ABLIM1: variants seen among roughly 807,000 people sequenced by gnomAD.
ABLIM1 encodes actin-binding LIM protein 1.
A neutral mutation model predicts 107.0 loss-of-function variants in ABLIM1; 40 were observed. The observed-to-expected ratio is 0.37, with a 90% CI of 0.29 to 0.49. The LOEUF is 0.49. Ranked by LOEUF, ABLIM1 falls within the 20% of genes least tolerant of loss-of-function variation. ABLIM1 has a pLI of 0.97. For missense variants in ABLIM1, 857 were observed against 1,008.5 expected, an observed-to-expected ratio of 0.85 and a Z score of 2.04; for synonymous variants, 357 against 357.3, an observed-to-expected ratio of 1.00 and a Z score of 0.01.
At chr10:114,454,678 G>A (rs1480323216) in intron 12 of ABLIM1, among the ~76,000 whole-genome samples, 1 of 152,184 alleles carries the variant, frequency 6.6e-6, no homozygotes, top group Non-Finnish European at 1.5e-5. Context: ...TTCAGCTTGT[G>A]CAAAATTAGA....
chr10:114,655,140 C>T (rs2079440645), intron 1 of ABLIM1, among the ~76,000 whole-genome samples: 1 of 152,196 alleles, frequency 6.6e-6, no homozygotes, highest in South Asian at 2.1e-4. Context: ...CACTTGGAAT[C>T]ACTAACTTCC....
chr10:114,729,547 G>A (rs4752147), intron 1 of ABLIM1, among the ~76,000 whole-genome samples: 1,943 of 152,194 alleles, frequency 0.013, 117 homozygotes, highest in Admixed American at 0.1. Flanking sequence ...GATTGTGAAT[G>A]ACCATGACTG....
chr10:114,703,024 A>G (rs552126931), intron 1 of ABLIM1, among the ~76,000 whole-genome samples: 2 of 152,340 alleles, frequency 1.3e-5, no homozygotes, highest in South Asian at 4.1e-4. Context: ...GGGAGTACCT[A>G]GATGAATTAA....
intron 1 of ABLIM1, among the ~76,000 whole-genome samples, chr10:114,719,285 A>G (rs2081781022): frequency 6.6e-6 from 1 of 152,220 alleles, no homozygotes; most frequent in Admixed American, 6.5e-5. Context: ...TGGCCAAGAT[A>G]CTGTCCTAGT....
intron 1 of ABLIM1, among the ~76,000 whole-genome samples, chr10:114,714,423 TCAA>T (rs1488770929): frequency 1.3e-5 from 2 of 152,162 alleles, no homozygotes; most frequent in African/African-American, 4.8e-5. Flanking sequence ...AAAGAGGCTG[TCAA>T]CAAGCAGCGC....
At chr10:114,557,444 A>G (rs1262889115) in intron 4 of ABLIM1, among the ~76,000 whole-genome samples, 1 of 152,190 alleles carries the variant, frequency 6.6e-6, no homozygotes, top group Admixed American at 6.5e-5. Context: ...GGCAGCAGCC[A>G]TTTTCTAAGT....
chr10:114,500,812 G>C (rs73353754), intron 6 of ABLIM1, among the ~76,000 whole-genome samples: 20,028 of 147,918 alleles, frequency 0.14, 1,644 homozygotes, highest in African/African-American at 0.23. Flanking sequence ...ACGTAGGATT[G>C]TTATGAAAGT....
At chr10:114,755,578 T>C (rs536687441) in intron 1 of ABLIM1, among the ~76,000 whole-genome samples, 2 of 152,340 alleles carry the variant, frequency 1.3e-5, no homozygotes, top group South Asian at 4.1e-4. Context: ...GTTTGTGGCA[T>C]GAATGAGTGA....
intron 1 of ABLIM1, among the ~76,000 whole-genome samples, chr10:114,734,598 T>C (rs2082142586): frequency 6.6e-6 from 1 of 152,186 alleles, no homozygotes. Context: ...GCAAATATTT[T>C]CTCAGCTCAA....
chr10:114,565,988 G>T (rs1393105607), intron 4 of ABLIM1, among the ~76,000 whole-genome samples: 2 of 151,760 alleles, frequency 1.3e-5, no homozygotes, highest in Non-Finnish European at 2.9e-5. Flanking sequence ...GTAGAGATGG[G>T]GTTTCACCGT....
At chr10:114,634,123 A>ATTTTT (rs1209219359) in intron 1 of ABLIM1, among the ~76,000 whole-genome samples, 2 of 68,220 alleles carry the variant, frequency 2.9e-5, no homozygotes, top group Non-Finnish European at 6.2e-5. Flanking sequence ...CATTAGCTCA[A>ATTTTT]TTTTTCTTTT....
At chr10:114,783,819 C>A in the ABLIM1 span, among the ~76,000 whole-genome samples, 2 of 151,942 alleles carry the variant, frequency 1.3e-5, no homozygotes, top group Non-Finnish European at 2.9e-5. Context: ...CTTCACTGAA[C>A]TTGGAAAGAA....
At chr10:114,459,553 A>G (rs1324522503) in intron 12 of ABLIM1, among the ~76,000 whole-genome samples, 1 of 132,178 alleles carries the variant, frequency 7.6e-6, no homozygotes, top group Non-Finnish European at 1.7e-5. Context: ...TCTCCACCAC[A>G]TATCTTTTTT....
intron 6 of ABLIM1, among the ~76,000 whole-genome samples, chr10:114,524,724 A>G (rs1342257327): frequency 2.0e-5 from 3 of 152,244 alleles, no homozygotes; most frequent in Non-Finnish European, 4.4e-5. Context: ...TTAGAATTCA[A>G]TTGAAAGAAG....
chr10:114,451,421 G>C (rs1300191814), intron 14 of ABLIM1, among the ~76,000 whole-genome samples: 1 of 152,162 alleles, frequency 6.6e-6, no homozygotes, highest in Non-Finnish European at 1.5e-5. Flanking sequence ...CAGGTTAGAA[G>C]CTTTCTAATC....
At chr10:114,488,387 A>ATAGC (rs879307684) in intron 7 of ABLIM1, among the ~76,000 whole-genome samples, 2 of 152,238 alleles carry the variant, frequency 1.3e-5, no homozygotes, top group Non-Finnish European at 2.9e-5. Flanking sequence ...TTAAAAAATA[A>ATAGC]TAGCTATTGT....
At chr10:114,490,827 T>G (rs2058817742) in intron 7 of ABLIM1, among the ~76,000 whole-genome samples, 1 of 150,890 alleles carries the variant, frequency 6.6e-6, no homozygotes, top group Non-Finnish European at 1.5e-5. Flanking sequence ...TTTTGTCTTT[T>G]TTGTTTTTTT....
At chr10:114,515,256 A>T (rs1056912756) in intron 6 of ABLIM1, among the ~76,000 whole-genome samples, 2 of 152,158 alleles carry the variant, frequency 1.3e-5, no homozygotes, top group Non-Finnish European at 2.9e-5. Flanking sequence ...GGTGTGCGGC[A>T]GTGGGATCTT....
intron 6 of ABLIM1, among the ~76,000 whole-genome samples, chr10:114,531,141 A>T (rs1318914410): frequency 1.3e-5 from 2 of 152,244 alleles, no homozygotes; most frequent in African/African-American, 4.8e-5. Context: ...ATCCCATATA[A>T]CTACATCAGA....
Sources: gnomAD v4.1 joint callset for allele counts (sites outside exome capture counted in the v4.1 genomes callset) on GRCh38, gnomAD v4.1.1 for gene constraint, MANE v1.5 for transcripts, NCBI Gene and HGNC (gene_info 2026-07-23, HGNC 2026-07-21) for gene names.